PDZRN4: variants seen among roughly 807,000 people sequenced by gnomAD.
The protein encoded by PDZRN4 is PDZ domain-containing RING finger protein 4.
PDZRN4 carries 70 observed loss-of-function variants against 99.0 expected under a neutral mutation model. That is an observed-to-expected ratio of 0.71 (90% CI 0.58 to 0.86). The LOEUF (loss-of-function observed/expected upper bound fraction) is 0.86. Ranked by LOEUF, PDZRN4 falls within the 40% of genes least tolerant of loss-of-function variation. The pLI is 0.00. For synonymous variants in PDZRN4, 551 were observed against 501.6 expected (o/e 1.10, Z -1.32); for missense variants, 1,474 against 1,331.2 (o/e 1.11, Z -1.67).
intron 3 of PDZRN4, among the ~76,000 whole-genome samples, chr12:41,439,846 AG>A (rs1398853826): frequency 1.3e-5 from 2 of 152,194 alleles, no homozygotes; most frequent in African/African-American, 2.4e-5. Flanking sequence ...CCCAGCTTAA[AG>A]GTCTTGCATG....
chr12:41,264,069 T>C (rs1951261590), intron 3 of PDZRN4, among the ~76,000 whole-genome samples: 1 of 152,162 alleles, frequency 6.6e-6, no homozygotes, highest in South Asian at 2.1e-4. Context: ...GACTTATAAA[T>C]TTACCAATTT....
intron 7 of PDZRN4, among the ~76,000 whole-genome samples, chr12:41,560,807 C>A (rs568550624): frequency 6.6e-6 from 1 of 152,298 alleles, no homozygotes; most frequent in South Asian, 2.1e-4. Flanking sequence ...TGAGAGGTAT[C>A]TTTGCTGAAA....
intron 3 of PDZRN4, among the ~76,000 whole-genome samples, chr12:41,343,972 C>T (rs1951835697): frequency 6.6e-6 from 1 of 151,952 alleles, no homozygotes; most frequent in African/African-American, 2.4e-5. Flanking sequence ...ATAATTTTAT[C>T]ATAAAATGTA....
chr12:41,566,043 A>C (rs1939365456), intron 8 of PDZRN4, among the ~76,000 whole-genome samples: 1 of 152,226 alleles, frequency 6.6e-6, no homozygotes, highest in Non-Finnish European at 1.5e-5. Flanking sequence ...GGAAGTGAGC[A>C]AGAAGAATCT....
intron 3 of PDZRN4, among the ~76,000 whole-genome samples, chr12:41,309,764 A>C (rs1481599158): frequency 6.6e-6 from 1 of 152,174 alleles, no homozygotes; most frequent in East Asian, 1.9e-4. Flanking sequence ...AATACTGAAT[A>C]ACGGTAAAAA....
At chr12:41,341,165 T>TAAA (rs36109178) in intron 3 of PDZRN4, among the ~76,000 whole-genome samples, 2 of 148,880 alleles carry the variant, frequency 1.3e-5, no homozygotes, top group Non-Finnish European at 3.0e-5. Flanking sequence ...CCTTTCATGA[T>TAAA]AAAAAAAAAA....
At chr12:41,272,234 G>C (rs1351653289) in intron 3 of PDZRN4, among the ~76,000 whole-genome samples, 1 of 151,882 alleles carries the variant, frequency 6.6e-6, no homozygotes, top group East Asian at 1.9e-4. Context: ...ACCTCTTCTG[G>C]TTTTAAAGCC....
At chr12:41,318,265 T>C (rs1243902576) in intron 3 of PDZRN4, among the ~76,000 whole-genome samples, 1 of 152,194 alleles carries the variant, frequency 6.6e-6, no homozygotes, top group Non-Finnish European at 1.5e-5. Context: ...GACATTTTAT[T>C]TAAGTACCTA....
At chr12:41,435,123 G>C (rs986238009) in intron 3 of PDZRN4, among the ~76,000 whole-genome samples, 1 of 152,138 alleles carries the variant, frequency 6.6e-6, no homozygotes, top group African/African-American at 2.4e-5. Context: ...AGCTGCCCTT[G>C]CTTCCTGAGA....
intron 3 of PDZRN4, among the ~76,000 whole-genome samples, chr12:41,286,432 C>T (rs1463905240): frequency 6.6e-6 from 1 of 150,768 alleles, no homozygotes. Flanking sequence ...CTCTCCCAAC[C>T]TCCTTAGAGA....
In PDZRN4 at chr12:41,346,594, T is replaced by G. The variant is rs895766719; in HGVS notation, c.843+152406T>G. 2.0e-5 allele frequency among the ~76,000 whole-genome samples: 3 copies of G among 152,310 alleles called. No individual in the cohort carries two copies. In the East Asian group the frequency reaches 5.8e-4, roughly 29 times the overall value. On this transcript the variant is annotated intron_variant, in intron 3 of 9. Coordinates refer to ENST00000402685, the MANE Select transcript of PDZRN4 (RefSeq NM_001164595.2). Reference sequence around the variant, plus strand: ...ATTTTTTAGTGCTCTAAATTTTAATTTTTAATATAGTAAATACAGATATAT... The same window carrying G: ...ATTTTTTAGTGCTCTAAATTTTAATGTTTAATATAGTAAATACAGATATAT...
At chr12:41,389,791 A>G (rs1245383650) in intron 3 of PDZRN4, among the ~76,000 whole-genome samples, 1 of 152,200 alleles carries the variant, frequency 6.6e-6, no homozygotes, top group African/African-American at 2.4e-5. Context: ...GCTGGGCACA[A>G]AGAGGTCAAA....
chr12:41,416,538 A>AGGAGGCTACTCG lies in PDZRN4; in HGVS notation c.844-89910_844-89899dup, dbSNP rs541596983. On this transcript the variant is annotated intron_variant, in intron 3 of 9. Coordinates refer to ENST00000402685, the MANE Select transcript of PDZRN4 (RefSeq NM_001164595.2). ...GGGGCAGTCACCTGTAATCCTATTC[A>AGGAGGCTACTCG]GGAGGCTACTCGGGAGGCTGAGGCA... 8.6e-3 allele frequency among the ~76,000 whole-genome samples: 1,314 copies of AGGAGGCTACTCG among 152,150 alleles called. 13 individuals carry two copies. The highest frequency in any genetic ancestry group is 0.013 in the Non-Finnish European group (903 of 67,980).
At chr12:41,232,817 G>C (rs1168274409) in intron 3 of PDZRN4, among the ~76,000 whole-genome samples, 1 of 151,956 alleles carries the variant, frequency 6.6e-6, no homozygotes, top group African/African-American at 2.4e-5. Flanking sequence ...TAACATTTAA[G>C]TCTTTAATCC....
intron 3 of PDZRN4, among the ~76,000 whole-genome samples, chr12:41,468,877 C>T (rs1490880745): frequency 6.6e-6 from 1 of 152,066 alleles, no homozygotes; most frequent in Non-Finnish European, 1.5e-5. Flanking sequence ...GGCATGATGG[C>T]TCACGCCTGT....
At chr12:41,520,411 GA>G (rs1270611966) in intron 5 of PDZRN4, among the ~76,000 whole-genome samples, 2 of 151,982 alleles carry the variant, frequency 1.3e-5, no homozygotes, top group Non-Finnish European at 2.9e-5. Context: ...TTGAAGCAAT[GA>G]CTAAATCTTA....
intron 3 of PDZRN4, among the ~76,000 whole-genome samples, chr12:41,239,293 C>G (rs1951088529): frequency 6.6e-6 from 1 of 152,056 alleles, no homozygotes; most frequent in South Asian, 2.1e-4. Flanking sequence ...CGGGCTGAAC[C>G]ATACACACTG....
chr12:41,529,922 G>T (rs1452944238), intron 5 of PDZRN4, among the ~76,000 whole-genome samples: 1 of 151,996 alleles, frequency 6.6e-6, no homozygotes, highest in African/African-American at 2.4e-5. Flanking sequence ...CTTCTGACTG[G>T]TTCAGACAGG....
chr12:41,512,138 G>T (rs1271719768), intron 5 of PDZRN4, among the ~76,000 whole-genome samples: 2 of 152,006 alleles, frequency 1.3e-5, no homozygotes, highest in East Asian at 3.9e-4. Context: ...GGCAATCAAG[G>T]AAGTAGAAAG....
Sources: allele counts gnomAD v4.1 joint callset (sites outside exome capture counted in the v4.1 genomes callset), GRCh38; gene constraint gnomAD v4.1.1; transcripts MANE v1.5; gene names NCBI Gene and HGNC (gene_info 2026-07-23, HGNC 2026-07-21).